Variants in ITGA1 observed in about 807,000 individuals in gnomAD.
ITGA1 encodes integrin alpha-1.
Under a neutral mutation model 145.9 loss-of-function variants are expected in ITGA1, and 85 were observed. That is an observed-to-expected ratio of 0.58 (90% confidence interval 0.49 to 0.70). The LOEUF is 0.70. ITGA1 is among the 30% of genes least tolerant of loss of function. The probability of loss-of-function intolerance (pLI) is 0.00; values close to 1 mark genes in which losing one functional copy is unlikely to be tolerated. For synonymous variants in ITGA1, 520 were observed against 495.3 expected (o/e 1.05, Z -0.66); for missense variants, 1,351 against 1,418.7 (o/e 0.95, Z 0.77).
intron 1 of ITGA1, among the ~76,000 whole-genome samples, chr5:52,840,637 G>C (rs545369645): frequency 2.6e-4 from 39 of 152,312 alleles, no homozygotes; most frequent in Admixed American, 2.0e-3. Context: ...TATGGGGAAA[G>C]AGCAGATGTC....
chr5:52,817,600 G>T (rs1748797322), intron 1 of ITGA1, among the ~76,000 whole-genome samples: 1 of 152,144 alleles, frequency 6.6e-6, no homozygotes, highest in African/African-American at 2.4e-5. Context: ...CCAAGGAAAG[G>T]CTAGAAGTCT....
At chr5:52,803,998 A>T (rs922297817) in intron 1 of ITGA1, 2 of 152,182 alleles carry the variant, frequency 1.3e-5, no homozygotes, top group African/African-American at 2.4e-5. Flanking sequence ...TTCTGTTTTT[A>T]TGTCTATGAA....
chr5:52,890,641 T>C (rs1465498476), intron 8 of ITGA1, among the ~76,000 whole-genome samples: 1 of 152,234 alleles, frequency 6.6e-6, no homozygotes, highest in East Asian at 1.9e-4. Flanking sequence ...ACATGTGATA[T>C]TTTGATACAG....
At chr5:52,941,003 C>T (rs1751046257) in intron 26 of ITGA1, among the ~76,000 whole-genome samples, 1 of 152,134 alleles carries the variant, frequency 6.6e-6, no homozygotes, top group African/African-American at 2.4e-5. Context: ...CAAGGCTTAA[C>T]TCTCACTTAT....
chr5:52,917,193 G>A (rs1267899702), intron 15 of ITGA1, among the ~76,000 whole-genome samples: 14 of 152,212 alleles, frequency 9.2e-5, no homozygotes, highest in Non-Finnish European at 1.8e-4. Flanking sequence ...GATGTGTGGG[G>A]TGGACAATGG....
intron 26 of ITGA1, among the ~76,000 whole-genome samples, chr5:52,940,554 G>A (rs982375844): frequency 1.3e-5 from 2 of 151,604 alleles, no homozygotes; most frequent in African/African-American, 2.4e-5. Context: ...GACTACAGGC[G>A]CCCACCACCA....
chr5:52,887,863 A>G lies in ITGA1; in HGVS notation c.822A>G (p.Lys274=). 1 of 1,614,098 alleles carries G rather than the reference A, an allele frequency of 6.2e-7. No individual in the cohort carries two copies. Among genetic ancestry groups the G allele is most frequent in the Non-Finnish European group, 8.5e-7 (1 of 1,179,932 alleles). ...GGGGTGCCCGAAGAGGAGTTAAAAA[A>G]GTCATGGTTATTGTGACAGATGGAG... is the stretch of plus-strand genomic sequence containing the variant. The part of the protein sequence containing the change: ...EARGARRGVK[K]VMVIVTDGES... The change falls in exon 8 of 29, where the codon AAA becomes AAG. Residue 274 remains lysine (K), a synonymous_variant. Transcript: ENST00000282588.
At chr5:52,884,811 C>G (rs1222627896) in intron 7 of ITGA1, among the ~76,000 whole-genome samples, 1 of 152,196 alleles carries the variant, frequency 6.6e-6, no homozygotes, top group East Asian at 1.9e-4. Context: ...TTTCCCACAT[C>G]GACCAGTTAT....
In ITGA1 at chr5:52,904,480, T is replaced by G. The variant is rs541650300; in HGVS notation, c.1310-1283T>G. The G allele has an allele frequency of 1.1e-3, 166 of 152,032 alleles. 1 individual carries two copies. The highest frequency in any genetic ancestry group is 3.7e-3 in the African/African-American group (154 of 41,348). 9.4% of individuals were successfully genotyped at this position (152,032 alleles called of 1,614,324 possible). A position where few individuals can be genotyped will look rare whatever the true frequency, so the allele number is the denominator to read the frequency against. ...ACAAAAATAATGACCCAGGAATAAT[T>G]TCAATATAAAATATATGCAAATAAA... On this transcript the variant is annotated intron_variant, in intron 11 of 28. Transcript: ENST00000282588.
chr5:52,934,354 T>A (rs1392222740), intron 23 of ITGA1, among the ~76,000 whole-genome samples: 2 of 151,776 alleles, frequency 1.3e-5, no homozygotes, highest in Non-Finnish European at 3.0e-5. Context: ...CTGTAGACTT[T>A]ACTTACATTA....
At chr5:52,861,289 GGC>G (rs1344882288) in intron 2 of ITGA1, among the ~76,000 whole-genome samples, 156 bp from the exon 3 acceptor site, 1 of 151,994 alleles carries the variant, frequency 6.6e-6, no homozygotes, top group Non-Finnish European at 1.5e-5. Context: ...GCAAGAGGTA[GGC>G]TCTCTGCTTA....
intron 28 of ITGA1, among the ~76,000 whole-genome samples, chr5:52,950,548 G>T (rs895610567): frequency 6.6e-6 from 1 of 152,178 alleles, no homozygotes; most frequent in Non-Finnish European, 1.5e-5. Flanking sequence ...GTGCTGCAAA[G>T]AAAGTGTTGG....
At chr5:52,829,936 C>G (rs1749032440) in intron 1 of ITGA1, among the ~76,000 whole-genome samples, 1 of 152,128 alleles carries the variant, frequency 6.6e-6, no homozygotes, top group Non-Finnish European at 1.5e-5. Context: ...ATTATGCTTA[C>G]TATTGAGCCT....
Position 52,887,696 on chromosome 5 carries a change from C to T in ITGA1, c.774-119C>T, listed in dbSNP as rs954368488. Reference sequence around the variant, plus strand: ...CCAACTTGAATGATGGGCATTGATGCTAATTTTGGAGGGAAGCACCAGGCT... The same window carrying T: ...CCAACTTGAATGATGGGCATTGATGTTAATTTTGGAGGGAAGCACCAGGCT... On this transcript the variant is annotated intron_variant, in intron 7 of 28. Transcript: ENST00000282588. 8.1e-5 allele frequency: 70 copies of T among 863,488 alleles called. No individual in the cohort carries two copies. In the African/African-American group the frequency reaches 1.1e-3, roughly 14 times the overall value. The allele number at this position is 863,488 out of a possible 1,614,324, so 53.5% of individuals were successfully genotyped here. A position where few individuals can be genotyped will look rare whatever the true frequency, so the allele number is the denominator to read the frequency against.
At chr5:52,876,171 A>G (rs148574167) in intron 6 of ITGA1, among the ~76,000 whole-genome samples, 6 of 152,256 alleles carry the variant, frequency 3.9e-5, no homozygotes, top group African/African-American at 1.4e-4. Flanking sequence ...TTTAATTCTC[A>G]TACTTTATTT....
At chr5:52,910,829 G>A (rs1409128649) in intron 14 of ITGA1, among the ~76,000 whole-genome samples, 4 of 142,504 alleles carry the variant, frequency 2.8e-5, no homozygotes, top group African/African-American at 1.0e-4. Flanking sequence ...TATATGTAGT[G>A]TGCATATGGT....
intron 2 of ITGA1, among the ~76,000 whole-genome samples, chr5:52,861,140 A>C (rs890939995): frequency 6.6e-6 from 1 of 152,078 alleles, no homozygotes; most frequent in East Asian, 1.9e-4. Context: ...AATCTCTGAA[A>C]TATCTATCCT....
In ITGA1 at chr5:52,915,806, G is replaced by GGT. The variant is rs143095879; in HGVS notation, c.1988+217_1988+218dup. 4.5e-4 allele frequency among the ~76,000 whole-genome samples: 69 copies of GGT among 152,168 alleles called. No homozygotes were observed. The East Asian group carries it at 0.011, about 25-fold the overall frequency. On this transcript the variant is annotated intron_variant, in intron 15 of 28. Transcript: ENST00000282588. ...AACAAGTAGAATGAACTCTTAATTT[G>GGT]GTGTGTCTATTATGTGGTTTACACT...
intron 19 of ITGA1, among the ~76,000 whole-genome samples, chr5:52,926,095 A>G (rs889140413): frequency 6.6e-6 from 1 of 152,064 alleles, no homozygotes; most frequent in Admixed American, 6.6e-5. Flanking sequence ...AATTTTGTGT[A>G]TATTTATATT....
Sources: allele counts gnomAD v4.1 joint callset (sites outside exome capture counted in the v4.1 genomes callset), GRCh38; gene constraint gnomAD v4.1.1; transcripts MANE v1.5; gene names NCBI Gene and HGNC (gene_info 2026-07-23, HGNC 2026-07-21).